The following PCLO variants were observed in gnomAD, a reference collection of about 807,000 sequenced individuals.
PCLO encodes protein piccolo.
A neutral mutation model predicts 427.5 loss-of-function variants in PCLO; 82 were observed. The observed-to-expected ratio is 0.19, with a 90% CI of 0.16 to 0.23. The LOEUF is 0.23. Among genes scored for constraint, PCLO ranks in the 10% least tolerant of loss-of-function variants. PCLO has a pLI of 1.00. For synonymous variants in PCLO, 2,357 were observed against 2,155.4 expected, an observed-to-expected ratio of 1.09 and a Z score of -2.59; for missense variants, 6,239 against 6,115.9, an observed-to-expected ratio of 1.02 and a Z score of -0.67.
At chr7:82,815,342 G>A (rs959636598) in intron 20 of PCLO, among the ~76,000 whole-genome samples, 1 of 151,928 alleles carries the variant, frequency 6.6e-6, no homozygotes, top group East Asian at 1.9e-4. Flanking sequence ...ATAGTTGGAT[G>A]GAAGCAAAAT....
At chr7:82,903,342 C>G (rs1449506938) in intron 8 of PCLO, among the ~76,000 whole-genome samples, 1 of 151,932 alleles carries the variant, frequency 6.6e-6, no homozygotes, top group Non-Finnish European at 1.5e-5. Flanking sequence ...ATTTTGTTCA[C>G]TTTAATACTT....
intron 3 of PCLO, among the ~76,000 whole-genome samples, chr7:83,066,426 C>G (rs1360058794): frequency 6.6e-6 from 1 of 151,912 alleles, no homozygotes; most frequent in Non-Finnish European, 1.5e-5. Context: ...TAGAAGAAAC[C>G]ATTATACACA....
intron 20 of PCLO, among the ~76,000 whole-genome samples, chr7:82,810,773 T>C (rs1456664066): frequency 6.6e-6 from 1 of 151,732 alleles, no homozygotes; most frequent in Non-Finnish European, 1.5e-5. Flanking sequence ...TTCAATTAGT[T>C]TGCTCTGTTG....
chr7:82,959,549 A>G (rs2115606098), intron 4 of PCLO, among the ~76,000 whole-genome samples: 1 of 152,308 alleles, frequency 6.6e-6, no homozygotes, highest in Non-Finnish European at 1.5e-5. Context: ...TTAGGACCAG[A>G]CTTATATAAT....
At chr7:83,092,326 A>G (rs1314382456) in intron 3 of PCLO, among the ~76,000 whole-genome samples, 1 of 152,210 alleles carries the variant, frequency 6.6e-6, no homozygotes, top group East Asian at 1.9e-4. Flanking sequence ...AAACACCTTA[A>G]GCCATTATCC....
In PCLO at chr7:83,154,765, T is replaced by A. The variant is rs752869678; in HGVS notation, c.1876A>T (p.Asn626Tyr). The A allele has an allele frequency of 2.3e-5, 37 of 1,613,608 alleles. No homozygotes were observed. Among genetic ancestry groups the A allele is most frequent in the Non-Finnish European group, 2.9e-5 (34 of 1,179,536 alleles). Reference protein sequence around the residue: ...TVCSLCGFNPNPHLTEVKEWL... With the variant: ...TVCSLCGFNPYPHLTEVKEWL... ...GCACTTACCTCCGTTAAATGAGGAT[T>A]GGGATTAAAACCACAGAGACTACAG... Residue 626 changes from asparagine (N) to tyrosine (Y), a missense_variant, in exon 2 of 25, where the codon AAT becomes TAT. By Grantham distance (143) the Asn-to-Tyr change is moderately radical. Coordinates refer to ENST00000333891, the MANE Select transcript of PCLO (RefSeq NM_033026.6).
chr7:82,913,001 T>C (rs1794359731), intron 7 of PCLO, among the ~76,000 whole-genome samples: 1 of 152,030 alleles, frequency 6.6e-6, no homozygotes. Context: ...CAATTGTCAT[T>C]TTCTATCTAT....
chr7:82,757,849 A>G lies in PCLO; in HGVS notation c.*726T>C, dbSNP rs1269735201. On this transcript the variant is annotated 3_prime_UTR_variant, in exon 25 of 25. Transcript: ENST00000333891. Reference sequence around the variant, plus strand: ...ATAGTTTTATTTCTAGATAAATTCAATTTTATTTCTACTGAGTATTATCTT... The same window carrying G: ...ATAGTTTTATTTCTAGATAAATTCAGTTTTATTTCTACTGAGTATTATCTT... The G allele has an allele frequency of 6.6e-6, 1 of 151,980 alleles. No homozygotes were observed. The highest frequency in any genetic ancestry group is 1.5e-5 in the Non-Finnish European group (1 of 67,916). 9.4% of individuals were successfully genotyped at this position (151,980 alleles called of 1,614,324 possible). A position where few individuals can be genotyped will look rare whatever the true frequency, so the allele number is the denominator to read the frequency against.
intron 18 of PCLO, among the ~76,000 whole-genome samples, chr7:82,825,519 A>AT (rs1466611842): frequency 1.3e-5 from 2 of 151,760 alleles, no homozygotes; most frequent in African/African-American, 4.8e-5. Flanking sequence ...ACACAAAAGG[A>AT]TGTCGTATTT....
chr7:82,877,720 C>G (rs979245616), intron 10 of PCLO, among the ~76,000 whole-genome samples: 1 of 152,076 alleles, frequency 6.6e-6, no homozygotes, highest in Non-Finnish European at 1.5e-5. Context: ...GGCTGGAGTA[C>G]AGTGGCATGA....
At chr7:82,822,320 AAAT>A (rs1215340966) in intron 20 of PCLO, 172 bp downstream of exon 20, 1 of 1,441,976 alleles carries the variant, frequency 6.9e-7, no homozygotes, top group East Asian at 2.5e-5. Context: ...AAAAAAATCT[AAAT>A]AAGAAAGAGC....
chr7:83,135,303 A>C lies in PCLO; in HGVS notation c.2247T>G (p.Val749=). Residue 749 remains valine, a synonymous_variant, in exon 3 of 25, where the codon GTT becomes GTG. Transcript: ENST00000333891. ...TGGGCTGCTTTGGTTTATCATCAGC[A>C]ACAGGGGCCTTGTCCTGCTCAGATG... ...SVPSEQDKAP[V]ADDKPKQPKM... 6.2e-7 allele frequency: 1 copy of C among 1,613,958 alleles called. No individual in the cohort carries two copies. Among genetic ancestry groups the C allele is most frequent in the Non-Finnish European group, 8.5e-7 (1 of 1,179,882 alleles).
chr7:82,949,607 T>A lies in PCLO; in HGVS notation c.10981A>T (p.Met3661Leu). The change falls in exon 6 of 25, where the codon ATG becomes TTG. Residue 3661 changes from methionine (M) to leucine (L), a missense_variant. By Grantham distance (15) the Met-to-Leu change is conservative. Coordinates refer to ENST00000333891, the MANE Select transcript of PCLO (RefSeq NM_033026.6). ...GGACTTGCTGGGGGAACTTTAGCCATATCTGGATGCAGTACTTTCTGTGGA... is the reference window on the plus strand; with the variant it reads ...GGACTTGCTGGGGGAACTTTAGCCAAATCTGGATGCAGTACTTTCTGTGGA... ...ISPQKVLHPDMAKVPPASPKT... is the reference protein window; with the variant it reads ...ISPQKVLHPDLAKVPPASPKT... 2 of 1,613,910 alleles carry A rather than the reference T, an allele frequency of 1.2e-6. No individual in the cohort carries two copies. The highest frequency in any genetic ancestry group is 1.7e-6 in the Non-Finnish European group (2 of 1,179,850).
In PCLO at chr7:82,915,786, C is replaced by T; in HGVS notation, c.12200G>A (p.Ser4067Asn). The change falls in exon 7 of 25, where the codon AGC becomes AAC. Residue 4067 changes from serine (S) to asparagine (N), a missense_variant. Ser to Asn is a conservative substitution (Grantham distance 46). Around this residue, in one of 5 missense-constraint regions of PCLO, gnomAD observed 680 missense variants for 677.3 expected, o/e 1.00. Coordinates refer to ENST00000333891, the MANE Select transcript of PCLO (RefSeq NM_033026.6). ...KGTAALSTAF[S>N]LHEKDLSKTD... is the part of the protein sequence containing the mutation. ...TTTTGACAGATCCTTTTCATGAAGG[C>T]TAAATGCGGTGCTTAATGCCGCTGT... 6.2e-7 allele frequency: 1 copy of T among 1,612,708 alleles called. No individual in the cohort carries two copies. Among genetic ancestry groups the T allele is most frequent in the Non-Finnish European group, 8.5e-7 (1 of 1,179,290 alleles).
intron 9 of PCLO, among the ~76,000 whole-genome samples, chr7:82,896,749 G>C (rs1252103783): frequency 6.6e-6 from 1 of 151,484 alleles, no homozygotes; most frequent in African/African-American, 2.4e-5. Context: ...GTTCTAATTT[G>C]TCTCTGTTTC....
At chr7:82,941,551 A>G (rs1795086808) in intron 6 of PCLO, among the ~76,000 whole-genome samples, 2 of 152,200 alleles carry the variant, frequency 1.3e-5, no homozygotes, top group Non-Finnish European at 2.9e-5. Context: ...TAAAAGAAAC[A>G]TAATGCTTAC....
intron 2 of PCLO, among the ~76,000 whole-genome samples, chr7:83,152,309 G>C (rs904552358): frequency 2.6e-5 from 4 of 152,102 alleles, no homozygotes; most frequent in Admixed American, 1.3e-4. Flanking sequence ...TTCTTTTTAT[G>C]TGCAACTTGT....
chr7:82,974,321 G>A (rs1260158063), intron 3 of PCLO, among the ~76,000 whole-genome samples: 2 of 152,172 alleles, frequency 1.3e-5, no homozygotes, highest in Non-Finnish European at 2.9e-5. Flanking sequence ...AGGAGCTGGA[G>A]GTGGCAGTGA....
intron 3 of PCLO, among the ~76,000 whole-genome samples, chr7:83,072,422 G>C (rs1288725155): frequency 6.6e-6 from 1 of 151,702 alleles, no homozygotes; most frequent in African/African-American, 2.4e-5. Flanking sequence ...TCTTCCTTTT[G>C]CATCTAAAAT....
Sources: gnomAD v4.1 joint callset for allele counts (sites outside exome capture counted in the v4.1 genomes callset) on GRCh38, gnomAD v4.1.1 for gene constraint, gnomAD v4.1.1 regional missense constraint, MANE v1.5 for transcripts, NCBI Gene and HGNC (gene_info 2026-07-23, HGNC 2026-07-21) for gene names.